The following GRAMD1C variants were observed in gnomAD, a reference collection of about 807,000 sequenced individuals.
GRAMD1C encodes GRAM domain containing 1C, also known as protein Aster-C.
In GRAMD1C, 89 loss-of-function variants were observed where a neutral mutation model predicts 97.8. The observed-to-expected ratio is 0.91, with a 90% CI of 0.77 to 1.09. The LOEUF (loss-of-function observed/expected upper bound fraction) is 1.09. Ranked by LOEUF, GRAMD1C falls within the 50% of genes least tolerant of loss-of-function variation. The probability of loss-of-function intolerance (pLI) is 0.00; values close to 1 mark genes in which losing one functional copy is unlikely to be tolerated. For missense variants in GRAMD1C, 740 were observed against 766.4 expected (o/e 0.97, Z 0.41); for synonymous variants, 256 against 267.0 (o/e 0.96, Z 0.40).
At chr3:113,931,269 G>A (rs773879938) in intron 11 of GRAMD1C, among the ~76,000 whole-genome samples, 3 of 152,152 alleles carry the variant, frequency 2.0e-5, no homozygotes, top group Non-Finnish European at 4.4e-5. Flanking sequence ...GAGGACAAAG[G>A]AAGCAAGACT....
Position 113,844,600 on chromosome 3 carries a change from A to G in GRAMD1C, c.125A>G (p.Lys42Arg), listed in dbSNP as rs774176282. The G allele has an allele frequency of 6.2e-7, 1 of 1,606,824 alleles. No homozygotes were observed. Among genetic ancestry groups the G allele is most frequent in the Non-Finnish European group, 8.5e-7 (1 of 1,175,938 alleles). Residue 42 changes from lysine (K) to arginine (R), a missense_variant, in exon 2 of 18, where the codon AAA becomes AGA. Physicochemically the swap from Lys to Arg is conservative, Grantham distance 26. Transcript: ENST00000358160. ...PTVEENNVVVKKQGPNLHNWS... is the reference protein window; with the variant it reads ...PTVEENNVVVRKQGPNLHNWS... ...GTGGAAGAGAATAATGTGGTAGTTA[A>G]AAAACAGGGGCCAAATTTACATAAT...
chr3:113,849,299 A>ATTT (rs1235600112), intron 2 of GRAMD1C, among the ~76,000 whole-genome samples: 7 of 143,800 alleles, frequency 4.9e-5, no homozygotes, highest in South Asian at 2.2e-4. Context: ...TTATTTATTT[A>ATTT]TTTATTTATT....
At chr3:113,940,679 T>C (rs2107383998) in intron 17 of GRAMD1C, among the ~76,000 whole-genome samples, 1 of 152,288 alleles carries the variant, frequency 6.6e-6, no homozygotes, top group South Asian at 2.1e-4. Flanking sequence ...ATGCATAATA[T>C]TAAGCTCTTT....
chr3:113,841,889 G>A (rs1196780220), intron 1 of GRAMD1C, among the ~76,000 whole-genome samples: 1 of 152,068 alleles, frequency 6.6e-6, no homozygotes, highest in African/African-American at 2.4e-5. Context: ...TAGAGAGGGG[G>A]CCTTGCTGTA....
At chr3:113,888,592 A>T (rs1047944306) in intron 6 of GRAMD1C, among the ~76,000 whole-genome samples, 1 of 152,246 alleles carries the variant, frequency 6.6e-6, no homozygotes, top group Admixed American at 6.5e-5. Context: ...ATGTATATGC[A>T]TATCAAAACA....
chr3:113,869,516 T>G lies in GRAMD1C; in HGVS notation c.184T>G (p.Ser62Ala). ...SGDWSFWISS[S>A]TYKDRNEEYR... is the part of the protein sequence containing the mutation. ...CTTTTTATTGTTGCAGATTTCAAGT[T>G]CCACCTATAAAGACAGGAATGAGGA... Residue 62 changes from serine (S) to alanine (A), a missense_variant, in exon 3 of 18, where the codon TCC becomes GCC. By Grantham distance (99) the Ser-to-Ala change is moderately conservative. Transcript: ENST00000358160. The G allele has an allele frequency of 6.8e-7, 1 of 1,473,830 alleles. No individual in the cohort carries two copies. The highest frequency in any genetic ancestry group is 9.4e-7 in the Non-Finnish European group (1 of 1,063,006). The allele number at this position is 1,473,830 out of a possible 1,614,324, so 91.3% of individuals were successfully genotyped here.
At chr3:113,883,406 TC>T (rs1213475758) in intron 6 of GRAMD1C, among the ~76,000 whole-genome samples, 1 of 151,800 alleles carries the variant, frequency 6.6e-6, no homozygotes, top group Non-Finnish European at 1.5e-5. Flanking sequence ...TTACCTGTAG[TC>T]CCAGCTACTT....
chr3:113,919,248 T>G (rs1032903307), intron 10 of GRAMD1C: 1 of 392,634 alleles, frequency 2.5e-6, no homozygotes, highest in Non-Finnish European at 5.0e-6. Flanking sequence ...GCTTTTTTGG[T>G]CCAGTTTGTG....
intron 3 of GRAMD1C, among the ~76,000 whole-genome samples, chr3:113,873,967 T>A (rs1934932055): frequency 6.6e-6 from 1 of 152,246 alleles, no homozygotes; most frequent in Admixed American, 6.5e-5. Context: ...TGATGAATAC[T>A]AGTTAATGGG....
intron 17 of GRAMD1C, among the ~76,000 whole-genome samples, chr3:113,944,715 G>C (rs1481386537): frequency 1.3e-5 from 2 of 152,222 alleles, no homozygotes; most frequent in Admixed American, 6.5e-5. Flanking sequence ...ATGAAGGACA[G>C]GACAGTGCCT....
chr3:113,919,643 G>T, intron 10 of GRAMD1C: 1 of 650,544 alleles, frequency 1.5e-6, no homozygotes, highest in South Asian at 1.4e-5. Context: ...AAGACTGACA[G>T]ATTTAGTAAA....
At chr3:113,841,028 G>T (rs142908673) in intron 1 of GRAMD1C, among the ~76,000 whole-genome samples, 8 of 152,294 alleles carry the variant, frequency 5.3e-5, no homozygotes, top group African/African-American at 1.9e-4. Context: ...GGCTGAGGAG[G>T]TGTTGAAAGA....
intron 9 of GRAMD1C, among the ~76,000 whole-genome samples, chr3:113,910,960 A>T (rs556618291): frequency 6.6e-6 from 1 of 152,256 alleles, no homozygotes; most frequent in African/African-American, 2.4e-5. Flanking sequence ...AATACTACAG[A>T]TTGGGTAGCT....
chr3:113,842,962 C>CA (rs1033981050), intron 1 of GRAMD1C, among the ~76,000 whole-genome samples: 87 of 110,750 alleles, frequency 7.9e-4, no homozygotes, highest in South Asian at 1.8e-3. Context: ...GACTCTGTTT[C>CA]AAAAAAAAAA....
intron 12 of GRAMD1C, 92 bp downstream of exon 12, chr3:113,933,745 A>G: frequency 2.3e-6 from 2 of 870,720 alleles, no homozygotes; most frequent in Non-Finnish European, 3.6e-6. Flanking sequence ...TTTACACAAC[A>G]GTTTTATTTC....
intron 17 of GRAMD1C, among the ~76,000 whole-genome samples, chr3:113,941,447 G>A (rs1937770118): frequency 6.6e-6 from 1 of 152,066 alleles, no homozygotes; most frequent in South Asian, 2.1e-4. Context: ...GATGGGTTAT[G>A]TAATATTCTT....
At chr3:113,931,496 T>C (rs1937418606) in intron 11 of GRAMD1C, among the ~76,000 whole-genome samples, 1 of 151,896 alleles carries the variant, frequency 6.6e-6, no homozygotes, top group Non-Finnish European at 1.5e-5. Context: ...GTAGGTGGGA[T>C]TACAGGCGCA....
rs748450756 is a variant in GRAMD1C at position 113,933,465 on chromosome 3, T to C, written c.1210-46T>C. 28 of 1,361,552 alleles carry C rather than the reference T, an allele frequency of 2.1e-5. 1 individual carries two copies. In the South Asian group the frequency reaches 2.9e-4, roughly 14 times the overall value. 84.3% of individuals were successfully genotyped at this position (1,361,552 alleles called of 1,614,324 possible). On this transcript the variant is annotated intron_variant, in intron 11 of 17. Transcript: ENST00000358160. ...TGTTCTAAATTGGCAAGAAGATTCA[T>C]ATATTAAGCATATACATACAAACAT... is the stretch of plus-strand genomic sequence containing the variant.
chr3:113,928,677 T>A (rs1410248361), intron 10 of GRAMD1C, among the ~76,000 whole-genome samples: 1 of 152,228 alleles, frequency 6.6e-6, no homozygotes. Context: ...TCTGTCTATG[T>A]GAATTTGACT....
Sources: allele counts gnomAD v4.1 joint callset (sites outside exome capture counted in the v4.1 genomes callset), GRCh38; gene constraint gnomAD v4.1.1; transcripts MANE v1.5; gene names NCBI Gene and HGNC (gene_info 2026-07-23, HGNC 2026-07-21).